The following JMJD1C variants were observed in gnomAD, a reference collection of about 807,000 sequenced individuals.
The protein encoded by JMJD1C is jumonji domain-containing protein 1C.
Under a neutral mutation model 245.3 loss-of-function variants are expected in JMJD1C, and 31 were observed. That is an observed-to-expected ratio of 0.13 (90% CI 0.09 to 0.17). The LOEUF (loss-of-function observed/expected upper bound fraction) is 0.17. JMJD1C is among the 10% of genes least tolerant of loss of function. The pLI, the probability that JMJD1C is intolerant of heterozygous loss-of-function variation, is 1.00. For synonymous variants in JMJD1C, 1,057 were observed against 1,017.4 expected (o/e 1.04, Z -0.74); for missense variants, 2,691 against 3,000.2 (o/e 0.90, Z 2.41).
intron 3 of JMJD1C, among the ~76,000 whole-genome samples, chr10:63,240,079 G>A (rs1299043421): frequency 6.6e-6 from 1 of 152,050 alleles, no homozygotes; most frequent in Non-Finnish European, 1.5e-5. Context: ...ACTCCATGGG[G>A]GCAGGAAATT....
At chr10:63,463,735 G>A (rs1952969471) in intron 1 of JMJD1C, among the ~76,000 whole-genome samples, 1 of 152,036 alleles carries the variant, frequency 6.6e-6, no homozygotes, top group African/African-American at 2.4e-5. Flanking sequence ...TTTAGATATG[G>A]TGAAACGCAA....
chr10:63,393,453 T>C (rs1414838559), intron 1 of JMJD1C, among the ~76,000 whole-genome samples: 1 of 152,138 alleles, frequency 6.6e-6, no homozygotes, highest in Non-Finnish European at 1.5e-5. Context: ...TATAAATTAG[T>C]ACAGTCATTA....
intron 1 of JMJD1C, among the ~76,000 whole-genome samples, chr10:63,391,382 T>G (rs1339237254): frequency 6.6e-6 from 1 of 151,806 alleles, no homozygotes; most frequent in Non-Finnish European, 1.5e-5. Flanking sequence ...TGGTGGCGGG[T>G]GCCTGTAGTC....
At chr10:63,255,917 A>G (rs968868863) in intron 3 of JMJD1C, among the ~76,000 whole-genome samples, 1 of 152,214 alleles carries the variant, frequency 6.6e-6, no homozygotes, top group Non-Finnish European at 1.5e-5. Context: ...ATGCTTCAGT[A>G]AGATTATGCA....
intron 11 of JMJD1C, 94 bp downstream of exon 11, chr10:63,200,382 C>A: frequency 1.1e-6 from 1 of 874,748 alleles, no homozygotes; most frequent in South Asian, 1.5e-5. Context: ...AAGACTTACT[C>A]CCCCATCCAA....
chr10:63,325,469 G>A (rs1941395069), intron 2 of JMJD1C, among the ~76,000 whole-genome samples: 1 of 152,222 alleles, frequency 6.6e-6, no homozygotes, highest in South Asian at 2.1e-4. Context: ...ACCCTCTGGA[G>A]TAGCTGAGAC....
intron 1 of JMJD1C, among the ~76,000 whole-genome samples, chr10:63,516,291 G>A (rs887923295): frequency 4.6e-5 from 7 of 150,678 alleles, no homozygotes; most frequent in African/African-American, 1.7e-4. Context: ...TGAGTAGCTG[G>A]AAACAGGGAA....
intron 1 of JMJD1C, among the ~76,000 whole-genome samples, chr10:63,496,206 A>AT (rs1049842139): frequency 7.7e-4 from 117 of 152,140 alleles, no homozygotes; most frequent in African/African-American, 2.7e-3. Flanking sequence ...TAAATAACTT[A>AT]TTTTTTTCAG....
intron 3 of JMJD1C, chr10:63,222,776 G>C: frequency 6.7e-7 from 1 of 1,482,484 alleles, no homozygotes; most frequent in Non-Finnish European, 9.4e-7. Context: ...TAATTTGGAA[G>C]TTTTGAAGTC....
intron 18 of JMJD1C, among the ~76,000 whole-genome samples, chr10:63,187,086 A>T (rs1262756396): frequency 6.6e-6 from 1 of 152,234 alleles, no homozygotes; most frequent in Non-Finnish European, 1.5e-5. Flanking sequence ...CATAATTAAA[A>T]TATAGGAACC....
At chr10:63,478,139 T>C (rs921638225) in intron 1 of JMJD1C, among the ~76,000 whole-genome samples, 1 of 151,816 alleles carries the variant, frequency 6.6e-6, no homozygotes, top group Non-Finnish European at 1.5e-5. Context: ...ATACTTTTCA[T>C]ATGACCCAGT....
intron 2 of JMJD1C, among the ~76,000 whole-genome samples, chr10:63,292,626 A>G (rs1186618344): frequency 6.6e-6 from 1 of 152,032 alleles, no homozygotes; most frequent in Non-Finnish European, 1.5e-5. Flanking sequence ...AATAAAAATA[A>G]AACAGGACAA....
In JMJD1C at chr10:63,236,921, C is replaced by T. The variant is rs573036407; in HGVS notation, c.448-16938G>A. Among the ~76,000 whole-genome samples, 15 of 152,202 alleles carry T rather than the reference C, an allele frequency of 9.9e-5. No homozygotes were observed. The South Asian group carries it at 3.1e-3, about 32-fold the overall frequency. ...TTGAGGCCAGGTGTTCAAGACCAGCCTGGGAAACAGAGAGACCCTGTCTCT... is the reference window on the plus strand; with the variant it reads ...TTGAGGCCAGGTGTTCAAGACCAGCTTGGGAAACAGAGAGACCCTGTCTCT... On this transcript the variant is annotated intron_variant, in intron 3 of 25. Transcript: ENST00000399262.
intron 1 of JMJD1C, among the ~76,000 whole-genome samples, chr10:63,392,452 T>C (rs999618653): frequency 2.0e-5 from 3 of 152,034 alleles, no homozygotes; most frequent in African/African-American, 7.3e-5. Context: ...AAGAAAGTAT[T>C]TGCAAGCTAC....
intron 3 of JMJD1C, among the ~76,000 whole-genome samples, chr10:63,263,057 C>CTA (rs1253308337): frequency 6.6e-6 from 1 of 152,182 alleles, no homozygotes; most frequent in African/African-American, 2.4e-5. Context: ...TTCACCTACT[C>CTA]TAACTCCCTC....
chr10:63,268,824 C>G, intron 2 of JMJD1C: 5 of 985,732 alleles, frequency 5.1e-6, no homozygotes, highest in Non-Finnish European at 6.0e-6. Context: ...GCTCTCAAAC[C>G]AAGCATTTCT....
intron 1 of JMJD1C, among the ~76,000 whole-genome samples, chr10:63,397,134 A>T (rs1948553871): frequency 6.6e-6 from 1 of 152,204 alleles, no homozygotes. Context: ...TTCTTACTGG[A>T]TCCACTATAG....
Position 63,504,291 on chromosome 10 carries a change from C to G in JMJD1C, n.113+17447G>C, listed in dbSNP as rs75766036. 1.6e-4 allele frequency among the ~76,000 whole-genome samples: 25 copies of G among 152,204 alleles called. No homozygotes were observed. The East Asian group carries it at 3.1e-3, about 19-fold the overall frequency. On this transcript the variant is annotated intron_variant and non_coding_transcript_variant, in intron 1 of 3. Coordinates refer to the JMJD1C transcript ENST00000633035. Reference sequence around the variant, plus strand: ...CTCACATTCTAATTGGAGGAGGAAACAGAAAACAACAACAGCAGCCAGTGG... The same window carrying G: ...CTCACATTCTAATTGGAGGAGGAAAGAGAAAACAACAACAGCAGCCAGTGG...
chr10:63,513,868 GC>G (rs1333104266), intron 1 of JMJD1C, among the ~76,000 whole-genome samples: 23 of 152,044 alleles, frequency 1.5e-4, no homozygotes, highest in African/African-American at 5.3e-4. Flanking sequence ...AGCCGAGATC[GC>G]GCCACTGCAC....
Sources: gnomAD v4.1 joint callset for allele counts (sites outside exome capture counted in the v4.1 genomes callset) on GRCh38, gnomAD v4.1.1 for gene constraint, MANE v1.5 for transcripts, NCBI Gene and HGNC (gene_info 2026-07-23, HGNC 2026-07-21) for gene names.